MAP3K13: variants seen among roughly 807,000 people sequenced by gnomAD.
The protein encoded by MAP3K13 is mitogen-activated protein kinase kinase kinase 13, also known as leucine zipper-bearing kinase.
A neutral mutation model predicts 104.0 loss-of-function variants in MAP3K13; 52 were observed. The observed-to-expected ratio is 0.50, with a 90% CI of 0.40 to 0.63. The LOEUF (loss-of-function observed/expected upper bound fraction) is 0.63. MAP3K13 is among the 20% of genes least tolerant of loss of function. MAP3K13 has a pLI of 0.00. For synonymous variants in MAP3K13, 394 were observed against 442.2 expected (o/e 0.89, Z 1.37); for missense variants, 914 against 1,218.5 (o/e 0.75, Z 3.72).
intron 2 of MAP3K13, among the ~76,000 whole-genome samples, chr3:185,339,055 G>A (rs9868356): frequency 1.3e-5 from 2 of 152,082 alleles, no homozygotes; most frequent in Admixed American, 1.3e-4. Flanking sequence ...CGTGGTGGCT[G>A]ACACCTATAA....
rs928894543 is a variant in MAP3K13 at position 185,386,216 on chromosome 3, GA to G, written c.-86+22856del. ...ATAAGGAGCTTAAACAAATTTACAA[GA>G]AAAAAAACAAACATTCCCATTAAAA... On this transcript the variant is annotated intron_variant, in intron 1 of 13. Transcript: ENST00000265026. 7.3e-5 allele frequency among the ~76,000 whole-genome samples: 11 copies of G among 151,266 alleles called. No individual in the cohort carries two copies. The East Asian group carries it at 1.9e-3, about 27-fold the overall frequency.
rs1222941963 is a variant in MAP3K13 at position 185,449,857 on chromosome 3, C to A, written c.1011-43C>A. The A allele has an allele frequency of 6.6e-6, 10 of 1,514,514 alleles. 1 individual carries two copies. In the South Asian group the frequency reaches 1.3e-4, roughly 20 times the overall value. The allele number at this position is 1,514,514 out of a possible 1,614,324, so 93.8% of individuals were successfully genotyped here. A position where few individuals can be genotyped will look rare whatever the true frequency, so the allele number is the denominator to read the frequency against. On this transcript the variant is annotated intron_variant, in intron 5 of 13. Coordinates refer to ENST00000265026, the MANE Select transcript of MAP3K13 (RefSeq NM_004721.5). Reference sequence around the variant, plus strand: ...ATAGAGAACTAAAATACAAATCAGTCTTTCTGAAACATCTTCTGTCCATGT... The same window carrying A: ...ATAGAGAACTAAAATACAAATCAGTATTTCTGAAACATCTTCTGTCCATGT...
intron 1 of MAP3K13, among the ~76,000 whole-genome samples, chr3:185,374,658 C>T (rs1258534846): frequency 2.6e-5 from 4 of 152,006 alleles, no homozygotes; most frequent in Non-Finnish European, 5.9e-5. Context: ...GGTTGGCAAG[C>T]TTTTAGGCTC....
At chr3:185,340,754 G>T (rs1722690541) in intron 2 of MAP3K13, among the ~76,000 whole-genome samples, 2 of 152,102 alleles carry the variant, frequency 1.3e-5, no homozygotes, top group African/African-American at 4.8e-5. Flanking sequence ...CACAAGATCT[G>T]ATGGTTTTAT....
chr3:185,318,768 G>T (rs934290314), intron 2 of MAP3K13, among the ~76,000 whole-genome samples: 1 of 152,170 alleles, frequency 6.6e-6, no homozygotes, highest in African/African-American at 2.4e-5. Flanking sequence ...GGACAAAATA[G>T]AGCTTTTAAA....
intron 2 of MAP3K13, among the ~76,000 whole-genome samples, chr3:185,316,026 C>T (rs190451558): frequency 4.6e-5 from 7 of 152,084 alleles, no homozygotes; most frequent in Admixed American, 1.3e-4. Context: ...GGGCAAAGTG[C>T]GTCTTGATTT....
At chr3:185,336,180 A>G (rs1457749586) in intron 2 of MAP3K13, among the ~76,000 whole-genome samples, 1 of 152,310 alleles carries the variant, frequency 6.6e-6, no homozygotes, top group African/African-American at 2.4e-5. Flanking sequence ...CCCAAGGCCC[A>G]TCCTGTTCAG....
intron 2 of MAP3K13, among the ~76,000 whole-genome samples, chr3:185,302,283 C>T (rs1315734028): frequency 1.3e-5 from 2 of 151,660 alleles, no homozygotes; most frequent in Admixed American, 1.3e-4. Flanking sequence ...TGTGGTGGTG[C>T]ACACCTGTAA....
At chr3:185,326,785 C>G (rs9856533) in intron 2 of MAP3K13, among the ~76,000 whole-genome samples, 2 of 151,598 alleles carry the variant, frequency 1.3e-5, no homozygotes, top group Non-Finnish European at 2.9e-5. Context: ...CTTAGGAGGC[C>G]ACTAAGTTAA....
intron 7 of MAP3K13, among the ~76,000 whole-genome samples, chr3:185,463,316 C>A (rs761170986): frequency 6.6e-6 from 1 of 152,036 alleles, no homozygotes; most frequent in African/African-American, 2.4e-5. Flanking sequence ...GAGGAAAACT[C>A]GGAAAAACAC....
chr3:185,430,083 C>T (rs1170053681), intron 2 of MAP3K13, among the ~76,000 whole-genome samples: 1 of 151,928 alleles, frequency 6.6e-6, no homozygotes, highest in Non-Finnish European at 1.5e-5. Context: ...ACCTGTAGTC[C>T]CAGCTATTTG....
Position 185,421,487 on chromosome 3 carries a change from C to T in MAP3K13, c.-85-7010C>T, listed in dbSNP as rs540744642. ...TGCTGGGATTACAGGCATGAGCCAC[C>T]GCACCTGGCTCCCATAGTACTTTCT... On this transcript the variant is annotated intron_variant, in intron 1 of 13. Transcript: ENST00000265026. Among the ~76,000 whole-genome samples, 14 of 152,234 alleles carry T rather than the reference C, an allele frequency of 9.2e-5. No individual in the cohort carries two copies. In the South Asian group the frequency reaches 2.3e-3, roughly 25 times the overall value.
chr3:185,470,149 C>A (rs535346791), intron 10 of MAP3K13, among the ~76,000 whole-genome samples: 27 of 152,218 alleles, frequency 1.8e-4, no homozygotes, highest in African/African-American at 5.3e-4. Flanking sequence ...CATAATAATT[C>A]GAGAGGATTC....
At chr3:185,421,417 C>T (rs753389683) in intron 1 of MAP3K13, among the ~76,000 whole-genome samples, 49 of 152,172 alleles carry the variant, frequency 3.2e-4, no homozygotes, top group Middle Eastern at 3.4e-3. Flanking sequence ...AGGCTGATCT[C>T]GAACTCCTGA....
At chr3:185,417,207 AG>A (rs1713831132) in intron 1 of MAP3K13, among the ~76,000 whole-genome samples, 1 of 152,172 alleles carries the variant, frequency 6.6e-6, no homozygotes. Context: ...TTAAAAAAAT[AG>A]GGTATTTCTT....
chr3:185,455,899 A>G (rs1283132350), intron 7 of MAP3K13, among the ~76,000 whole-genome samples: 1 of 142,172 alleles, frequency 7.0e-6, no homozygotes, highest in Non-Finnish European at 1.5e-5. Context: ...TAGATGAGAT[A>G]TATATGATAT....
At chr3:185,379,277 G>A (rs965366817) in intron 1 of MAP3K13, among the ~76,000 whole-genome samples, 8 of 152,234 alleles carry the variant, frequency 5.3e-5, no homozygotes, top group South Asian at 2.1e-4. Context: ...TCCCGAGTCC[G>A]TGACAGACGC....
intron 7 of MAP3K13, among the ~76,000 whole-genome samples, chr3:185,455,762 GAT>G (rs1272794106): frequency 4.2e-4 from 24 of 57,540 alleles, no homozygotes; most frequent in African/African-American, 1.4e-3. Context: ...ATATATATGA[GAT>G]ATATATATGA....
rs1491472723 is a variant in MAP3K13, at chr3:185,454,364, G to GAGAT, written c.1278+2971_1278+2974dup. On this transcript the variant is annotated intron_variant, in intron 7 of 13. Coordinates refer to ENST00000265026, the MANE Select transcript of MAP3K13 (RefSeq NM_004721.5). ...TATATGAGATATATGAGATATATAT[G>GAGAT]AGATATATATATGAGATATATGAGA... Among the ~76,000 whole-genome samples, 2 of 86,962 alleles carry GAGAT rather than the reference G, an allele frequency of 2.3e-5. 1 individual carries two copies. Among genetic ancestry groups the GAGAT allele is most frequent in the South Asian group, 7.3e-4 (2 of 2,748 alleles). 57.1% of individuals were successfully genotyped at this position (86,962 alleles called of 152,430 possible). A position where few individuals can be genotyped will look rare whatever the true frequency, so the allele number is the denominator to read the frequency against.
Sources: gnomAD v4.1 joint callset for allele counts (sites outside exome capture counted in the v4.1 genomes callset) on GRCh38, gnomAD v4.1.1 for gene constraint, MANE v1.5 for transcripts, NCBI Gene and HGNC (gene_info 2026-07-23, HGNC 2026-07-21) for gene names.